The following DCAF5 variants were observed in gnomAD, a reference collection of about 807,000 sequenced individuals.
DCAF5 encodes DDB1 and CUL4 associated factor 5, also known as DDB1- and CUL4-associated factor 5.
Under a neutral mutation model 80.7 loss-of-function variants are expected in DCAF5, and 9 were observed. The ratio of observed to expected loss-of-function variants is 0.11; its 90% CI spans 0.07 to 0.19. The LOEUF (loss-of-function observed/expected upper bound fraction) is 0.19. Ranked by LOEUF, DCAF5 falls within the 10% of genes least tolerant of loss-of-function variation. The pLI is 1.00. For missense variants in DCAF5, 842 were observed against 1,205.7 expected, an observed-to-expected ratio of 0.70 and a Z score of 4.47; for synonymous variants, 433 against 461.9, an observed-to-expected ratio of 0.94 and a Z score of 0.80.
At chr14:69,102,964 C>T (rs370208602) in intron 5 of DCAF5, among the ~76,000 whole-genome samples, 21 of 152,276 alleles carry the variant, frequency 1.4e-4, no homozygotes, top group South Asian at 2.1e-4. Flanking sequence ...TTTACACCAA[C>T]GTCACCACAA....
At position 69,153,054 on chromosome 14, in the gene DCAF5, C is replaced by T. The variant is rs1468343988; in HGVS notation, c.-76G>A. 5 of 1,160,976 alleles carry T rather than the reference C, an allele frequency of 4.3e-6. No individual in the cohort carries two copies. The African/African-American group carries it at 6.6e-5, about 15-fold the overall frequency. The allele number at this position is 1,160,976 out of a possible 1,614,324, so 71.9% of individuals were successfully genotyped here. A position where few individuals can be genotyped will look rare whatever the true frequency, so the allele number is the denominator to read the frequency against. On this transcript the variant is annotated 5_prime_UTR_variant, in exon 1 of 9. Coordinates refer to ENST00000341516, the MANE Select transcript of DCAF5 (RefSeq NM_003861.3). ...ACGCGCGGCCGCTGCTCCCCCCACC[C>T]GGCCCTCCCCCCGCGCTGCGATCCG...
Position 69,118,377 on chromosome 14 carries a change from T to C in DCAF5, c.396-99A>G, listed in dbSNP as rs2040603626. ...CCGAGGGTGCCATCTTTTCCATTTC[T>C]AGAAGAAAGTCAACCTAGCTAAACC... On this transcript the variant is annotated intron_variant, in intron 3 of 8. Coordinates refer to ENST00000341516, the MANE Select transcript of DCAF5 (RefSeq NM_003861.3). The surrounding 1 kb of genome is among the most constrained non-coding windows in gnomAD (Gnocchi z 4.0). 1 of 1,339,656 alleles carries C rather than the reference T, an allele frequency of 7.5e-7. No homozygotes were observed. The highest frequency in any genetic ancestry group is 1.5e-5 in the African/African-American group (1 of 68,942). 83.0% of individuals were successfully genotyped at this position (1,339,656 alleles called of 1,614,324 possible).
chr14:69,092,033 G>T, intron 5 of DCAF5, 146 bp from the exon 6 acceptor site: 1 of 642,630 alleles, frequency 1.6e-6, no homozygotes, highest in Non-Finnish European at 2.6e-6. Context: ...GAATAATGAG[G>T]GTAGCAACGC....
At chr14:69,128,311 T>C (rs747084974) in intron 1 of DCAF5, among the ~76,000 whole-genome samples, 16 of 151,834 alleles carry the variant, frequency 1.1e-4, no homozygotes, top group Non-Finnish European at 1.6e-4. Flanking sequence ...CTCGGCTCCA[T>C]GGGTAGCTGG....
intron 7 of DCAF5, among the ~76,000 whole-genome samples, chr14:69,062,877 G>T (rs2139850540): frequency 6.6e-6 from 1 of 152,150 alleles, no homozygotes; most frequent in East Asian, 1.9e-4. Flanking sequence ...GAACTGCTTG[G>T]GAATAGTTAG....
At chr14:69,083,604 TG>T in intron 6 of DCAF5, 1 of 522,122 alleles carries the variant, frequency 1.9e-6, no homozygotes. Context: ...ATGCTCAAAA[TG>T]GAGATGTGTC....
At chr14:69,106,081 G>GT (rs1167878396) in intron 5 of DCAF5, among the ~76,000 whole-genome samples, 1 of 151,144 alleles carries the variant, frequency 6.6e-6, no homozygotes, top group Non-Finnish European at 1.5e-5. Context: ...TTGAGACGGA[G>GT]TTTCGCTTTT....
At chr14:69,076,270 G>A (rs2038894570) in intron 6 of DCAF5, among the ~76,000 whole-genome samples, 1 of 152,172 alleles carries the variant, frequency 6.6e-6, no homozygotes, top group South Asian at 2.1e-4. Flanking sequence ...ACCACATGAT[G>A]CAGCAATTAC....
rs549751200 is a variant in DCAF5, at chr14:69,059,591, G to A, written c.1074+2793C>T. 6.2e-4 allele frequency among the ~76,000 whole-genome samples: 94 copies of A among 152,320 alleles called. 1 individual carries two copies. The highest frequency in any genetic ancestry group is 2.8e-4 in the Non-Finnish European group (19 of 68,032). ...AGACTCAGCGGCCTTTCAGGATAAC[G>A]TAAGTGCAGGGTGAGGCAGTAATTC... On this transcript the variant is annotated intron_variant, in intron 8 of 8. Coordinates refer to ENST00000341516, the MANE Select transcript of DCAF5 (RefSeq NM_003861.3).
chr14:69,134,080 GA>G (rs759236858), intron 1 of DCAF5, among the ~76,000 whole-genome samples: 2 of 152,098 alleles, frequency 1.3e-5, no homozygotes, highest in Non-Finnish European at 2.9e-5. Context: ...AGGCACCTAA[GA>G]GTTCATCTTC....
At chr14:69,102,469 G>A (rs1595000582) in intron 5 of DCAF5, among the ~76,000 whole-genome samples, 1 of 149,302 alleles carries the variant, frequency 6.7e-6, no homozygotes, top group South Asian at 2.1e-4. Flanking sequence ...TTTGACTCTT[G>A]TTATAATACT....
intron 5 of DCAF5, among the ~76,000 whole-genome samples, chr14:69,109,993 TTTTTAA>T (rs1329084127): frequency 1.3e-5 from 2 of 152,206 alleles, no homozygotes; most frequent in Admixed American, 1.3e-4. Flanking sequence ...ACTATAAGTC[TTTTTAA>T]TTTTAAACAC....
chr14:69,055,644 G>T lies in DCAF5; in HGVS notation c.1075-33C>A. On this transcript the variant is annotated intron_variant, in intron 8 of 8. Transcript: ENST00000341516. This position sits in a 1 kb window ranked among gnomAD's most constrained non-coding sequence, Gnocchi z 5.6. ...GAAAATGAAAAACAAAAGCAACAAGGAGTAACTGGAAAGTATTCTTTCACT... is the reference window on the plus strand; with the variant it reads ...GAAAATGAAAAACAAAAGCAACAAGTAGTAACTGGAAAGTATTCTTTCACT... 6.4e-7 allele frequency: 1 copy of T among 1,562,734 alleles called. No homozygotes were observed. The highest frequency in any genetic ancestry group is 8.7e-7 in the Non-Finnish European group (1 of 1,148,210).
At chr14:69,091,478 T>C (rs1441098157) in intron 6 of DCAF5, among the ~76,000 whole-genome samples, 196 bp downstream of exon 6, 1 of 152,178 alleles carries the variant, frequency 6.6e-6, no homozygotes, top group Non-Finnish European at 1.5e-5. Context: ...GTTTATGGTG[T>C]GTGCCTTGTA....
intron 1 of DCAF5, among the ~76,000 whole-genome samples, chr14:69,146,654 A>C (rs534461043): frequency 2.0e-5 from 3 of 152,280 alleles, no homozygotes; most frequent in Admixed American, 6.5e-5. Flanking sequence ...AGAACTGAAC[A>C]CTCCTAAAAC....
intron 1 of DCAF5, among the ~76,000 whole-genome samples, chr14:69,146,448 T>C (rs1394060192): frequency 6.6e-6 from 1 of 152,248 alleles, no homozygotes; most frequent in Non-Finnish European, 1.5e-5. Flanking sequence ...TTTATCCTTA[T>C]GACATGATCT....
intron 1 of DCAF5, among the ~76,000 whole-genome samples, chr14:69,123,023 A>G (rs2040770930): frequency 6.6e-6 from 1 of 152,134 alleles, no homozygotes; most frequent in Non-Finnish European, 1.5e-5. Flanking sequence ...CTATTTTCCT[A>G]ATAAAAATTT....
At chr14:69,067,361 T>TTTTTA (rs2038490808) in intron 7 of DCAF5, among the ~76,000 whole-genome samples, 1 of 123,260 alleles carries the variant, frequency 8.1e-6, no homozygotes, top group African/African-American at 3.2e-5. Flanking sequence ...TTTTTTTTTT[T>TTTTTA]GAGACAGGGT....
chr14:69,087,109 T>C (rs910525763), intron 6 of DCAF5, among the ~76,000 whole-genome samples: 6 of 152,192 alleles, frequency 3.9e-5, no homozygotes, highest in Non-Finnish European at 8.8e-5. Context: ...ACCAGAAGCC[T>C]GAGCCATTCT....
Sources: gnomAD v4.1 joint callset for allele counts (sites outside exome capture counted in the v4.1 genomes callset) on GRCh38, gnomAD v4.1.1 for gene constraint, Gnocchi (gnomAD v3.1) non-coding constraint, MANE v1.5 for transcripts, NCBI Gene and HGNC (gene_info 2026-07-23, HGNC 2026-07-21) for gene names.